The following LEPR variants were observed in gnomAD, a reference collection of about 807,000 sequenced individuals.
LEPR encodes the protein leptin receptor.
Under a neutral mutation model 114.7 loss-of-function variants are expected in LEPR, and 56 were observed. The ratio of observed to expected loss-of-function variants is 0.49; its 90% CI spans 0.39 to 0.61. The LOEUF is 0.61. Among genes scored for constraint, LEPR ranks in the 20% least tolerant of loss-of-function variants. The pLI, the probability that LEPR is intolerant of heterozygous loss-of-function variation, is 0.00. For synonymous variants in LEPR, 443 were observed against 461.4 expected, an observed-to-expected ratio of 0.96 and a Z score of 0.51; for missense variants, 1,202 against 1,352.9, an observed-to-expected ratio of 0.89 and a Z score of 1.75.
chr1:65,573,248 G>C (rs1654335962), intron 5 of LEPR, among the ~76,000 whole-genome samples: 1 of 152,192 alleles, frequency 6.6e-6, no homozygotes, highest in African/African-American at 2.4e-5. Context: ...ATGCAGGCCT[G>C]GACATCTGCC....
intron 5 of LEPR, chr1:65,577,349 C>T (rs1654663673): frequency 6.5e-6 from 1 of 153,070 alleles, no homozygotes; most frequent in Non-Finnish European, 1.5e-5. Context: ...CCTTTCAAGT[C>T]ATCAAGGTCG....
intron 2 of LEPR, among the ~76,000 whole-genome samples, chr1:65,515,394 G>A (rs1340141728): frequency 6.6e-6 from 1 of 152,106 alleles, no homozygotes; most frequent in Non-Finnish European, 1.5e-5. Flanking sequence ...AATATCTCAT[G>A]GAAACTTAAA....
chr1:65,509,674 T>C (rs1648936183), intron 2 of LEPR, among the ~76,000 whole-genome samples: 1 of 152,204 alleles, frequency 6.6e-6, no homozygotes, highest in Non-Finnish European at 1.5e-5. Flanking sequence ...TTATGTTATG[T>C]TATATTTAAT....
intron 2 of LEPR, among the ~76,000 whole-genome samples, chr1:65,515,282 G>A (rs1229637738): frequency 6.6e-6 from 1 of 152,204 alleles, no homozygotes; most frequent in Non-Finnish European, 1.5e-5. Flanking sequence ...CTCTGAGAAC[G>A]AATTTCAGTT....
At chr1:65,585,585 A>G (rs1355871436) in intron 5 of LEPR, among the ~76,000 whole-genome samples, 1 of 152,058 alleles carries the variant, frequency 6.6e-6, no homozygotes, top group South Asian at 2.1e-4. Context: ...AACTGTTTTC[A>G]TACTATTTTC....
rs957262027 is a variant in LEPR, at chr1:65,420,749, C to G, written c.-97+9C>G. 1 of 1,579,968 alleles carries G rather than the reference C, an allele frequency of 6.3e-7. No homozygotes were observed. Among genetic ancestry groups the G allele is most frequent in the Non-Finnish European group, 8.6e-7 (1 of 1,165,004 alleles). On this transcript the variant is annotated intron_variant, in intron 1 of 19. Coordinates refer to ENST00000349533, the MANE Select transcript of LEPR (RefSeq NM_002303.6). The stretch of plus-strand genomic sequence containing the variant: ...CATGGCGGGCGTTAAAGGTACATCG[C>G]GGTCCCCGGCTCGCTTGTCGTGTGG...
chr1:65,427,590 G>A (rs912459989), intron 2 of LEPR, among the ~76,000 whole-genome samples: 1 of 152,022 alleles, frequency 6.6e-6, no homozygotes, highest in Admixed American at 6.6e-5. Context: ...AAATTAAAAT[G>A]GCAGACATGG....
intron 5 of LEPR, among the ~76,000 whole-genome samples, chr1:65,584,482 G>T (rs1655192326): frequency 6.6e-6 from 1 of 152,034 alleles, no homozygotes; most frequent in South Asian, 2.1e-4. Flanking sequence ...GGCCAAAACT[G>T]CACAGTCCGT....
intron 2 of LEPR, among the ~76,000 whole-genome samples, chr1:65,504,617 G>A (rs1238178336): frequency 6.6e-6 from 1 of 152,158 alleles, no homozygotes; most frequent in African/African-American, 2.4e-5. Flanking sequence ...AACAAGAAAA[G>A]TCTGAGAAGT....
At chr1:65,547,979 A>C (rs1454001608) in intron 2 of LEPR, among the ~76,000 whole-genome samples, 3 of 151,060 alleles carry the variant, frequency 2.0e-5, no homozygotes, top group Non-Finnish European at 4.4e-5. Context: ...ACTGCTTTGA[A>C]TGTGTCCCAG....
chr1:65,429,531 A>G (rs1446903170), intron 2 of LEPR, among the ~76,000 whole-genome samples: 2 of 152,172 alleles, frequency 1.3e-5, no homozygotes, highest in African/African-American at 4.8e-5. Context: ...AAGACACTCT[A>G]CTATGTTCTA....
chr1:65,432,046 C>A (rs1646492581), intron 2 of LEPR: 1 of 1,390,466 alleles, frequency 7.2e-7, no homozygotes, highest in Non-Finnish European at 9.3e-7. Context: ...ATATCATGTT[C>A]ACTTTAAGAA....
intron 2 of LEPR, among the ~76,000 whole-genome samples, chr1:65,431,204 A>AT (rs1166725592): frequency 6.6e-6 from 1 of 152,016 alleles, no homozygotes; most frequent in African/African-American, 2.4e-5. Flanking sequence ...AAATATTTAT[A>AT]TTTTTTCCTT....
At chr1:65,434,846 T>A (rs1646536934) in intron 2 of LEPR, 10 of 985,356 alleles carry the variant, frequency 1.0e-5, no homozygotes, top group Non-Finnish European at 1.2e-5. Context: ...CTCCTCCCAT[T>A]AGTCAGTTCT....
chr1:65,480,694 T>G (rs1165522328), intron 2 of LEPR, among the ~76,000 whole-genome samples: 1 of 152,068 alleles, frequency 6.6e-6, no homozygotes, highest in African/African-American at 2.4e-5. Flanking sequence ...AGGATATTTA[T>G]CCCCATTTTA....
chr1:65,631,248 C>T (rs76257047), intron 19 of LEPR, among the ~76,000 whole-genome samples: 20,756 of 152,106 alleles, frequency 0.14, 1,721 homozygotes, highest in Middle Eastern at 0.24. Context: ...TACATGGAGG[C>T]TCTTCCATGT....
At chr1:65,481,145 A>G (rs1163270190) in intron 2 of LEPR, among the ~76,000 whole-genome samples, 4 of 152,170 alleles carry the variant, frequency 2.6e-5, no homozygotes, top group Admixed American at 2.0e-4. Context: ...GTGTGCAGGC[A>G]TGCCTGCTGT....
At chr1:65,534,666 G>C (rs1650633033) in intron 2 of LEPR, among the ~76,000 whole-genome samples, 1 of 152,174 alleles carries the variant, frequency 6.6e-6, no homozygotes, top group African/African-American at 2.4e-5. Flanking sequence ...ATGAATGAGA[G>C]TGAGTGCACA....
In LEPR at chr1:65,615,894, C is replaced by T. The variant is rs1331696952; in HGVS notation, c.1996-114C>T. On this transcript the variant is annotated intron_variant, in intron 14 of 19. Coordinates refer to ENST00000349533, the MANE Select transcript of LEPR (RefSeq NM_002303.6). Reference sequence around the variant, plus strand: ...CCTCTCAGCCTTGTAATAGTACCTGCCCTGATCTGGCCCCTGCCTCCTAAT... The same window carrying T: ...CCTCTCAGCCTTGTAATAGTACCTGTCCTGATCTGGCCCCTGCCTCCTAAT... The T allele has an allele frequency of 3.6e-6, 5 of 1,376,108 alleles. No homozygotes were observed. The African/African-American group carries it at 7.2e-5, about 20-fold the overall frequency. 85.2% of individuals were successfully genotyped at this position (1,376,108 alleles called of 1,614,324 possible). A position where few individuals can be genotyped will look rare whatever the true frequency, so the allele number is the denominator to read the frequency against.
Sources: allele counts gnomAD v4.1 joint callset (sites outside exome capture counted in the v4.1 genomes callset), GRCh38; gene constraint gnomAD v4.1.1; transcripts MANE v1.5; gene names NCBI Gene and HGNC (gene_info 2026-07-23, HGNC 2026-07-21).